FTO: variants seen among roughly 807,000 people sequenced by gnomAD.
The protein encoded by FTO is FTO alpha-ketoglutarate dependent dioxygenase.
Under a neutral mutation model 63.9 loss-of-function variants are expected in FTO, and 47 were observed. The observed-to-expected ratio is 0.74, with a 90% CI of 0.58 to 0.94. The LOEUF is 0.94. FTO is among the 40% of genes least tolerant of loss of function. The pLI, the probability that FTO is intolerant of heterozygous loss-of-function variation, is 0.00. For missense variants in FTO, 562 were observed against 618.1 expected (o/e 0.91, Z 0.96); for synonymous variants, 207 against 224.4 (o/e 0.92, Z 0.69).
At chr16:53,977,832 T>G (rs1427898738) in intron 8 of FTO, among the ~76,000 whole-genome samples, 1 of 152,162 alleles carries the variant, frequency 6.6e-6, no homozygotes, top group Non-Finnish European at 1.5e-5. Context: ...AGTCCTGATT[T>G]ATATGCAGTG....
At chr16:53,759,566 C>G (rs190267315) in intron 1 of FTO, among the ~76,000 whole-genome samples, 19 of 151,748 alleles carry the variant, frequency 1.3e-4, no homozygotes, top group Admixed American at 1.2e-3. Context: ...TGGTGGTGGG[C>G]ACCTGTAATC....
intron 8 of FTO, among the ~76,000 whole-genome samples, chr16:54,021,777 C>G (rs942334308): frequency 2.6e-5 from 4 of 152,034 alleles, no homozygotes; most frequent in African/African-American, 9.7e-5. Context: ...TGTGAGCCAC[C>G]GCGCCTGGCT....
intron 5 of FTO, among the ~76,000 whole-genome samples, chr16:53,874,390 C>T (rs751736766): frequency 1.3e-4 from 20 of 152,192 alleles, no homozygotes; most frequent in Admixed American, 6.5e-4. Context: ...TCTGCCACCA[C>T]TTGCAATGGC....
chr16:53,791,884 T>C (rs962115866), intron 1 of FTO, among the ~76,000 whole-genome samples: 1 of 151,982 alleles, frequency 6.6e-6, no homozygotes, highest in African/African-American at 2.4e-5. Flanking sequence ...CCATCCTGGC[T>C]AACACGGTGA....
chr16:54,003,267 G>A (rs1402019233), intron 8 of FTO, among the ~76,000 whole-genome samples: 1 of 152,218 alleles, frequency 6.6e-6, no homozygotes. Context: ...TCCTCCAGGA[G>A]CTGTTGGTAT....
chr16:54,064,576 G>A (rs1216311138), intron 8 of FTO, among the ~76,000 whole-genome samples: 1 of 152,170 alleles, frequency 6.6e-6, no homozygotes, highest in Non-Finnish European at 1.5e-5. Flanking sequence ...TGATAAATAT[G>A]TTCCTCATTT....
intron 8 of FTO, among the ~76,000 whole-genome samples, chr16:54,085,635 C>T (rs1320556845): frequency 1.3e-4 from 19 of 151,856 alleles, no homozygotes; most frequent in Admixed American, 1.2e-3. Context: ...GAAAAGGTGA[C>T]CTTAGGCCAA....
At chr16:54,092,797 A>G (rs556484542) in intron 8 of FTO, among the ~76,000 whole-genome samples, 61 of 152,228 alleles carry the variant, frequency 4.0e-4, no homozygotes, top group African/African-American at 1.4e-3. Context: ...CCTCCTGTAC[A>G]TCTCTCTCTT....
chr16:53,914,068 G>C (rs80276957), intron 7 of FTO, among the ~76,000 whole-genome samples: 1 of 151,914 alleles, frequency 6.6e-6, no homozygotes, highest in Admixed American at 6.5e-5. Flanking sequence ...GTGGAGGACA[G>C]CGTCTTCTCA....
At chr16:53,915,588 C>A (rs1178813321) in intron 7 of FTO, among the ~76,000 whole-genome samples, 1 of 152,150 alleles carries the variant, frequency 6.6e-6, no homozygotes, top group East Asian at 1.9e-4. Flanking sequence ...TAAATGTGAG[C>A]CTCCAACATG....
intron 8 of FTO, among the ~76,000 whole-genome samples, chr16:53,967,243 C>T (rs536762874): frequency 1.3e-5 from 2 of 152,046 alleles, no homozygotes; most frequent in South Asian, 2.1e-4. Context: ...TATTTCTCCA[C>T]GTTGTGAAAG....
intron 8 of FTO, among the ~76,000 whole-genome samples, chr16:54,057,882 C>A (rs941010673): frequency 2.0e-5 from 3 of 152,122 alleles, no homozygotes; most frequent in African/African-American, 2.4e-5. Flanking sequence ...AAGACATCAG[C>A]CCAAAACGCT....
intron 4 of FTO, among the ~76,000 whole-genome samples, chr16:53,857,696 T>A (rs542142683): frequency 6.6e-6 from 1 of 152,332 alleles, no homozygotes; most frequent in East Asian, 1.9e-4. Flanking sequence ...GACACTGTGC[T>A]GCTCAGGCTT....
At chr16:53,707,632 T>G (rs952973699) in intron 1 of FTO, among the ~76,000 whole-genome samples, 3 of 152,228 alleles carry the variant, frequency 2.0e-5, no homozygotes, top group African/African-American at 7.2e-5. Context: ...TTTTAACCAT[T>G]CTAGTAGGTG....
At chr16:54,061,087 C>T (rs146670200) in intron 8 of FTO, among the ~76,000 whole-genome samples, 1,996 of 152,238 alleles carry the variant, frequency 0.013, 33 homozygotes, top group African/African-American at 0.046. Flanking sequence ...ATGGAGCTCT[C>T]GGAATCCCTT....
chr16:54,072,634 C>T (rs1035486579), intron 8 of FTO: 2 of 152,370 alleles, frequency 1.3e-5, no homozygotes, highest in African/African-American at 4.8e-5. Context: ...GAAATAAAAG[C>T]AGACTCTGAA....
rs377136387 is a variant in FTO at position 53,826,540 on chromosome 16, C to T, written c.751+49C>T. On this transcript the variant is annotated intron_variant, in intron 3 of 8. Transcript: ENST00000471389. Reference sequence around the variant, plus strand: ...CAGCCCTGTATGTAATAATATGACCCGAGTTGTTTAGGCTCTGGAGATACA... The same window carrying T: ...CAGCCCTGTATGTAATAATATGACCTGAGTTGTTTAGGCTCTGGAGATACA... 2.0e-5 allele frequency: 31 copies of T among 1,588,960 alleles called. 1 individual carries two copies. In the African/African-American group the frequency reaches 2.8e-4, roughly 14 times the overall value.
intron 1 of FTO, among the ~76,000 whole-genome samples, chr16:53,734,713 T>A (rs745751861): frequency 1.3e-5 from 2 of 152,244 alleles, no homozygotes; most frequent in Non-Finnish European, 2.9e-5. Context: ...TTTTCTGCTC[T>A]GCCATTCTTC....
intron 8 of FTO, among the ~76,000 whole-genome samples, chr16:54,076,137 T>C (rs150566422): frequency 2.8e-3 from 426 of 152,320 alleles, no homozygotes; most frequent in African/African-American, 9.9e-3. Context: ...GTTTTGATGA[T>C]TTTATGATGG....
Sources: gnomAD v4.1 joint callset for allele counts (sites outside exome capture counted in the v4.1 genomes callset) on GRCh38, gnomAD v4.1.1 for gene constraint, MANE v1.5 for transcripts, NCBI Gene and HGNC (gene_info 2026-07-23, HGNC 2026-07-21) for gene names.